PCSK5: variants seen among roughly 807,000 people sequenced by gnomAD.
PCSK5 encodes the protein prohormone convertase 5.
PCSK5 carries 129 observed loss-of-function variants against 233.2 expected under a neutral mutation model. The ratio of observed to expected loss-of-function variants is 0.55; its 90% CI spans 0.48 to 0.64. The LOEUF (loss-of-function observed/expected upper bound fraction) is 0.64. Among genes scored for constraint, PCSK5 ranks in the 30% least tolerant of loss-of-function variants. PCSK5 has a pLI of 0.00. For synonymous variants in PCSK5, 825 were observed against 879.2 expected, an observed-to-expected ratio of 0.94 and a Z score of 1.09; for missense variants, 2,076 against 2,430.1, an observed-to-expected ratio of 0.85 and a Z score of 3.06.
At chr9:76,325,936 C>T (rs901163821) in intron 32 of PCSK5, among the ~76,000 whole-genome samples, 5 of 152,112 alleles carry the variant, frequency 3.3e-5, no homozygotes, top group East Asian at 1.9e-4. Flanking sequence ...CATGCCCGGC[C>T]GCCATTGCAC....
intron 24 of PCSK5, among the ~76,000 whole-genome samples, chr9:76,272,296 A>G (rs1269947884): frequency 1.3e-5 from 2 of 152,136 alleles, no homozygotes; most frequent in African/African-American, 2.4e-5. Flanking sequence ...AGTTCAGGCC[A>G]CAGACACCAT....
At chr9:76,181,667 C>T in intron 16 of PCSK5, 76 bp downstream of exon 16, 1 of 944,396 alleles carries the variant, frequency 1.1e-6, no homozygotes. Context: ...GGAGGGATAG[C>T]CTCTTTGTGA....
chr9:76,336,406 C>G (rs1254507212), intron 34 of PCSK5, among the ~76,000 whole-genome samples: 1 of 152,156 alleles, frequency 6.6e-6, no homozygotes, highest in Non-Finnish European at 1.5e-5. Context: ...GTGCTGATGT[C>G]TAGAAATACA....
chr9:75,922,183 C>A (rs1159157395), intron 1 of PCSK5, among the ~76,000 whole-genome samples: 1 of 152,148 alleles, frequency 6.6e-6, no homozygotes, highest in Non-Finnish European at 1.5e-5. Flanking sequence ...CAGCATTCAA[C>A]AGAAATATAG....
chr9:76,252,610 A>G (rs1826847198), intron 24 of PCSK5, among the ~76,000 whole-genome samples: 1 of 151,998 alleles, frequency 6.6e-6, no homozygotes, highest in African/African-American at 2.4e-5. Context: ...CCACCACTTT[A>G]CCTTCCTTCA....
At chr9:75,950,152 GC>G (rs199778491) in intron 2 of PCSK5, among the ~76,000 whole-genome samples, 30,419 of 83,308 alleles carry the variant, frequency 0.37, 4,219 homozygotes, top group African/African-American at 0.41. Context: ...TGTGGGGGGG[GC>G]GGGGAGGGGG....
intron 1 of PCSK5, among the ~76,000 whole-genome samples, chr9:75,903,491 A>G (rs1826130542): frequency 6.7e-6 from 1 of 150,228 alleles, no homozygotes; most frequent in Non-Finnish European, 1.5e-5. Flanking sequence ...TCTTTCCTTG[A>G]TGCCTTTCCC....
chr9:76,110,032 C>T (rs752711761), intron 9 of PCSK5, among the ~76,000 whole-genome samples: 44 of 152,274 alleles, frequency 2.9e-4, no homozygotes, highest in Non-Finnish European at 5.6e-4. Flanking sequence ...TACCCAGCCC[C>T]ACCCCTTGCA....
At chr9:76,331,951 G>A (rs561697937) in intron 33 of PCSK5, among the ~76,000 whole-genome samples, 1 of 152,204 alleles carries the variant, frequency 6.6e-6, no homozygotes, top group African/African-American at 2.4e-5. Flanking sequence ...CCAAGTTGGG[G>A]ATACTTCATA....
chr9:76,162,061 G>C (rs1822885586), intron 12 of PCSK5, among the ~76,000 whole-genome samples: 2 of 152,164 alleles, frequency 1.3e-5, no homozygotes, highest in Admixed American at 6.5e-5. Context: ...GGAGATTGGA[G>C]GGGGCTGGAG....
chr9:76,120,594 A>G (rs113999604), intron 9 of PCSK5, among the ~76,000 whole-genome samples: 2,302 of 151,942 alleles, frequency 0.015, 59 homozygotes, highest in African/African-American at 0.053. Context: ...TTAACTGATT[A>G]TTGCTTATCT....
chr9:76,229,478 C>A (rs1826008370), intron 21 of PCSK5, among the ~76,000 whole-genome samples: 1 of 152,210 alleles, frequency 6.6e-6, no homozygotes, highest in African/African-American at 2.4e-5. Flanking sequence ...AACCTAATTT[C>A]CCTGCCCAGT....
At chr9:76,191,393 T>G (rs1824369394) in intron 20 of PCSK5, among the ~76,000 whole-genome samples, 1 of 152,186 alleles carries the variant, frequency 6.6e-6, no homozygotes, top group Non-Finnish European at 1.5e-5. Context: ...TCTCCAGGCC[T>G]TGGGCAGGTT....
intron 1 of PCSK5, among the ~76,000 whole-genome samples, chr9:75,897,055 TCATTTTTCAG>T (rs1825838644): frequency 1.3e-5 from 2 of 152,154 alleles, no homozygotes; most frequent in African/African-American, 4.8e-5. Flanking sequence ...CCTCAGTTCC[TCATTTTTCAG>T]ATAGGGAGCC....
Position 76,233,474 on chromosome 9 carries a change from G to T in PCSK5, c.2744G>T (p.Gly915Val), listed in dbSNP as rs747192189. 1.2e-6 allele frequency: 2 copies of T among 1,612,658 alleles called. No homozygotes were observed. Among genetic ancestry groups the T allele is most frequent in the Non-Finnish European group, 8.5e-7 (1 of 1,179,812 alleles). Residue 915 changes from glycine (G) to valine (V), a missense_variant, in exon 22 of 38, where the codon GGC becomes GTC. Gly to Val is a moderately radical substitution (Grantham distance 109). Coordinates refer to ENST00000674117, the MANE Select transcript of PCSK5 (RefSeq NM_001372043.1). ...TTTTCCTCTAGGATTTTTGATGATG[G>T]CCGCTGTGTTTCGAACTGCCCCTCA... The part of the protein sequence containing the change: ...TCPMTRIFDD[G>V]RCVSNCPSWK...
intron 12 of PCSK5, among the ~76,000 whole-genome samples, chr9:76,163,208 T>C (rs1430661595): frequency 6.6e-6 from 1 of 152,254 alleles, no homozygotes; most frequent in Non-Finnish European, 1.5e-5. Flanking sequence ...CAGAATTGTT[T>C]ATCTCCTCAC....
At chr9:76,222,708 A>G (rs1179266944) in intron 20 of PCSK5, among the ~76,000 whole-genome samples, 1 of 152,172 alleles carries the variant, frequency 6.6e-6, no homozygotes, top group Non-Finnish European at 1.5e-5. Flanking sequence ...GATTGTGTTG[A>G]CTTAAAGATG....
chr9:76,082,358 A>G (rs975947366), intron 7 of PCSK5, among the ~76,000 whole-genome samples: 7 of 152,218 alleles, frequency 4.6e-5, no homozygotes, highest in East Asian at 1.9e-4. Context: ...TGAGTTGACA[A>G]TGCTTCAGCT....
chr9:75,916,134 A>G (rs1452141603), intron 1 of PCSK5, among the ~76,000 whole-genome samples: 1 of 152,232 alleles, frequency 6.6e-6, no homozygotes, highest in African/African-American at 2.4e-5. Flanking sequence ...AAAGATATTA[A>G]TCTTAAAGTT....
Sources: gnomAD v4.1 joint callset for allele counts (sites outside exome capture counted in the v4.1 genomes callset) on GRCh38, gnomAD v4.1.1 for gene constraint, MANE v1.5 for transcripts, NCBI Gene and HGNC (gene_info 2026-07-23, HGNC 2026-07-21) for gene names.